Variants in PRICKLE2 observed in about 807,000 individuals in gnomAD.
PRICKLE2 encodes the protein prickle-like protein 2.
PRICKLE2 carries 21 observed loss-of-function variants against 81.4 expected under a neutral mutation model. The ratio of observed to expected loss-of-function variants is 0.26; its 90% confidence interval spans 0.18 to 0.37. PRICKLE2 has a LOEUF of 0.37. PRICKLE2 is among the 10% of genes least tolerant of loss of function. PRICKLE2 has a pLI of 1.00. For missense variants in PRICKLE2, 940 were observed against 1,109.0 expected, an observed-to-expected ratio of 0.85 and a Z score of 2.16; for synonymous variants, 456 against 421.5, an observed-to-expected ratio of 1.08 and a Z score of -1.00.
At chr3:64,127,438 G>T (rs2077125693) in intron 7 of PRICKLE2, among the ~76,000 whole-genome samples, 1 of 152,208 alleles carries the variant, frequency 6.6e-6, no homozygotes, top group African/African-American at 2.4e-5. Flanking sequence ...ATCTTCCATG[G>T]GCAAGGCATG....
intron 2 of PRICKLE2, among the ~76,000 whole-genome samples, chr3:64,263,072 T>G (rs1330930170): frequency 3.3e-5 from 5 of 152,226 alleles, no homozygotes; most frequent in African/African-American, 1.2e-4. Flanking sequence ...TGAATTGTGA[T>G]GGCTCAAGAG....
chr3:64,168,981 T>C (rs1420253398), intron 2 of PRICKLE2, among the ~76,000 whole-genome samples: 1 of 151,966 alleles, frequency 6.6e-6, no homozygotes, highest in Non-Finnish European at 1.5e-5. Flanking sequence ...TTCCCAGCCA[T>C]ATCCATTTTT....
chr3:64,184,311 C>T (rs1273031901), intron 2 of PRICKLE2, among the ~76,000 whole-genome samples: 1 of 152,118 alleles, frequency 6.6e-6, no homozygotes, highest in Non-Finnish European at 1.5e-5. Context: ...CAACTTGCTC[C>T]AATCATAAAT....
intron 1 of PRICKLE2, among the ~76,000 whole-genome samples, chr3:64,204,883 T>C (rs1240476477): frequency 6.6e-6 from 1 of 151,980 alleles, no homozygotes. Context: ...GGGCAGAGGG[T>C]CAGAAGTGAT....
At chr3:64,207,882 T>A (rs1375485909) in intron 1 of PRICKLE2, among the ~76,000 whole-genome samples, 1 of 152,194 alleles carries the variant, frequency 6.6e-6, no homozygotes, top group Non-Finnish European at 1.5e-5. Flanking sequence ...AATGCTGCGA[T>A]AACTTACATC....
Position 64,098,006 on chromosome 3 carries a change from C to G in PRICKLE2, c.*1045G>C, listed in dbSNP as rs934100862. The G allele has an allele frequency of 6.6e-6, 1 of 152,618 alleles. No homozygotes were observed. Among genetic ancestry groups the G allele is most frequent in the African/African-American group, 2.4e-5 (1 of 41,438 alleles). 9.5% of individuals were successfully genotyped at this position (152,618 alleles called of 1,614,324 possible). On this transcript the variant is annotated 3_prime_UTR_variant, in exon 8 of 8. Coordinates refer to ENST00000638394, the MANE Select transcript of PRICKLE2 (RefSeq NM_198859.4). ...TAAGTTCATTTGCTTTGAGGACAAC[C>G]GGTTGTCAGGCTAAGGCAGCAGTTC...
At chr3:64,159,764 T>C (rs1441234141) in intron 4 of PRICKLE2, 176 bp downstream of exon 4, 14 of 750,142 alleles carry the variant, frequency 1.9e-5, no homozygotes, top group Non-Finnish European at 3.2e-5. Context: ...ATATATTGTC[T>C]GACTTCCTCC....
intron 1 of PRICKLE2, among the ~76,000 whole-genome samples, chr3:64,217,703 T>C (rs1265609456): frequency 6.6e-6 from 1 of 152,178 alleles, no homozygotes; most frequent in Non-Finnish European, 1.5e-5. Context: ...CAGTGCTGTG[T>C]TGAGAAGGAC....
rs572271800 is a variant in PRICKLE2 at position 64,163,189 on chromosome 3, A to G, written c.145-60T>C. 9.1e-6 allele frequency: 9 copies of G among 987,774 alleles called. No homozygotes were observed. In the African/African-American group the frequency reaches 9.5e-5, roughly 10 times the overall value. 61.2% of individuals were successfully genotyped at this position (987,774 alleles called of 1,614,324 possible). ...TTACTCAAACCATGTGCCTATTCCC[A>G]CTTACTGGGAAGATGATTCCCCCAG... On this transcript the variant is annotated intron_variant, in intron 2 of 7. Transcript: ENST00000638394.
At position 64,147,507 on chromosome 3, in the gene PRICKLE2, T is replaced by C. The variant is rs2107016123; in HGVS notation, c.983A>G (p.Asn328Ser). 1 of 1,614,250 alleles carries C rather than the reference T, an allele frequency of 6.2e-7. No homozygotes were observed. The highest frequency in any genetic ancestry group is 1.7e-5 in the Admixed American group (1 of 60,032). Reference sequence around the variant, plus strand: ...GCGCCGGGACTCCTTGGCCCTGGCGTTCTGGAAGGCGGAATCAGAGGAGTC... The same window carrying C: ...GCGCCGGGACTCCTTGGCCCTGGCGCTCTGGAAGGCGGAATCAGAGGAGTC... Reference protein sequence around the residue: ...GSDSSDSAFQNARAKESRRSA... With the variant: ...GSDSSDSAFQSARAKESRRSA... The change falls in exon 7 of 8, where the codon AAC becomes AGC. Residue 328 changes from asparagine (N) to serine (S), a missense_variant. Around this residue, in one of 2 missense-constraint regions of PRICKLE2, gnomAD observed 670 missense variants for 717.2 expected, o/e 0.93. Transcript: ENST00000638394. This position sits in a 1 kb window ranked among gnomAD's most constrained non-coding sequence, Gnocchi z 5.0.
intron 2 of PRICKLE2, among the ~76,000 whole-genome samples, chr3:64,168,723 G>C (rs1575613052): frequency 6.6e-6 from 1 of 152,300 alleles, no homozygotes; most frequent in Non-Finnish European, 1.5e-5. Flanking sequence ...AGAGACTGAA[G>C]AGACTGGCAG....
intron 1 of PRICKLE2, among the ~76,000 whole-genome samples, chr3:64,209,877 G>A (rs2107134090): frequency 6.6e-6 from 1 of 152,324 alleles, no homozygotes; most frequent in African/African-American, 2.4e-5. Flanking sequence ...GTGAGGACGG[G>A]CCTCCCACTG....
In PRICKLE2 at chr3:64,146,946, G is replaced by A; in HGVS notation, c.1544C>T (p.Thr515Ile). 6.2e-7 allele frequency: 1 copy of A among 1,614,172 alleles called. No homozygotes were observed. Among genetic ancestry groups the A allele is most frequent in the Non-Finnish European group, 8.5e-7 (1 of 1,180,028 alleles). ...EEEEEEGGLS[T>I]QQCRTRHPIS... ...GGGATGACGGGTCCGACACTGCTGA[G>A]TGGACAAGCCCCCTTCCTCTTCCTC... The change falls in exon 7 of 8, where the codon ACT becomes ATT. Residue 515 changes from threonine (T) to isoleucine (I), a missense_variant. Physicochemically the swap from Thr to Ile is moderately conservative, Grantham distance 89. This residue lies in a region of PRICKLE2 where 670 missense variants were observed against 717.2 expected (regional missense o/e 0.93). Coordinates refer to ENST00000638394, the MANE Select transcript of PRICKLE2 (RefSeq NM_198859.4).
chr3:64,115,849 G>A (rs567430757), intron 7 of PRICKLE2, among the ~76,000 whole-genome samples: 1 of 152,136 alleles, frequency 6.6e-6, no homozygotes, highest in African/African-American at 2.4e-5. Context: ...AAGCAGACCT[G>A]ATAGATATCT....
At chr3:64,240,552 A>G (rs1407679294) in intron 2 of PRICKLE2, among the ~76,000 whole-genome samples, 1 of 152,162 alleles carries the variant, frequency 6.6e-6, no homozygotes, top group African/African-American at 2.4e-5. Context: ...GAAATGCCTC[A>G]GTGAATCGGT....
At chr3:64,101,669 T>C (rs1286155615) in intron 7 of PRICKLE2, 1 of 152,190 alleles carries the variant, frequency 6.6e-6, no homozygotes, top group Non-Finnish European at 1.5e-5. Flanking sequence ...AAGAGAGGGC[T>C]CTATGTATAG....
At chr3:64,163,201 G>T in intron 2 of PRICKLE2, 72 bp from the exon 3 acceptor site, 4 of 898,774 alleles carry the variant, frequency 4.5e-6, no homozygotes, top group Non-Finnish European at 7.6e-6. Flanking sequence ...TTACTGGGAA[G>T]ATGATTCCCC....
intron 2 of PRICKLE2, among the ~76,000 whole-genome samples, chr3:64,246,267 C>CTGATGTGTGATGTGTGATG (rs2079351422): frequency 6.6e-6 from 1 of 151,920 alleles, no homozygotes; most frequent in East Asian, 1.9e-4. Flanking sequence ...AAAACAAAAA[C>CTGATGTGTGATGTGTGATG]TGTACACCTC....
chr3:64,163,881 A>T (rs192374920), intron 2 of PRICKLE2: 1 of 151,538 alleles, frequency 6.6e-6, no homozygotes, highest in Admixed American at 6.6e-5. Flanking sequence ...ATGCAAAACT[A>T]GAGAGAAAAA....
Sources: gnomAD v4.1 joint callset for allele counts (sites outside exome capture counted in the v4.1 genomes callset) on GRCh38, gnomAD v4.1.1 for gene constraint, gnomAD v4.1.1 regional missense constraint, Gnocchi (gnomAD v3.1) non-coding constraint, MANE v1.5 for transcripts, NCBI Gene and HGNC (gene_info 2026-07-23, HGNC 2026-07-21) for gene names.